The following CENPE variants were observed in gnomAD, a reference collection of about 807,000 sequenced individuals.
CENPE encodes the protein centromere protein E.
In CENPE, 145 loss-of-function variants were observed where a neutral mutation model predicts 336.1. The observed-to-expected ratio is 0.43, with a 90% CI of 0.38 to 0.50. The LOEUF is 0.50. CENPE is among the 20% of genes least tolerant of loss of function. The pLI is 0.00. For synonymous variants in CENPE, 1,013 were observed against 984.8 expected, an observed-to-expected ratio of 1.03 and a Z score of -0.54; for missense variants, 2,719 against 3,023.3, an observed-to-expected ratio of 0.90 and a Z score of 2.36.
intron 48 of CENPE, among the ~76,000 whole-genome samples, 153 bp from the exon 49 acceptor site, chr4:103,106,469 T>A (rs912396601): frequency 2.0e-5 from 3 of 152,204 alleles, no homozygotes; most frequent in African/African-American, 7.2e-5. Flanking sequence ...AGATGGTGTA[T>A]TTCACCTCAG....
intron 38 of CENPE, among the ~76,000 whole-genome samples, chr4:103,139,443 T>C (rs1578587807): frequency 6.6e-6 from 1 of 152,140 alleles, no homozygotes; most frequent in South Asian, 2.1e-4. Flanking sequence ...CATGTATAGG[T>C]AGAGAAATGG....
intron 42 of CENPE, among the ~76,000 whole-genome samples, chr4:103,130,511 A>T (rs1228189727): frequency 6.6e-6 from 1 of 152,212 alleles, no homozygotes; most frequent in Non-Finnish European, 1.5e-5. Flanking sequence ...ATAAAAAAAT[A>T]AAAGAATCAA....
At chr4:103,172,298 T>C (rs963447440) in intron 16 of CENPE, among the ~76,000 whole-genome samples, 2 of 151,930 alleles carry the variant, frequency 1.3e-5, no homozygotes, top group African/African-American at 4.8e-5. Flanking sequence ...GAATGGTTCA[T>C]CATAAACAAA....
Position 103,140,391 on chromosome 4 carries a change from T to C in CENPE, c.5778A>G (p.Leu1926=). ...KARDLEIQQE[L]KTARMLSKEH... is the part of the protein sequence containing the mutation. Reference sequence around the variant, plus strand: ...CTTTTGATAGCATACGAGCAGTTTTTAGTTCCTGTTGTATTTCCAGATCCT... The same window carrying C: ...CTTTTGATAGCATACGAGCAGTTTTCAGTTCCTGTTGTATTTCCAGATCCT... Residue 1926 remains leucine, a synonymous_variant, in exon 37 of 49, where the codon CTA becomes CTG. Transcript: ENST00000265148. 1 of 1,597,258 alleles carries C rather than the reference T, an allele frequency of 6.3e-7. No individual in the cohort carries two copies. The highest frequency in any genetic ancestry group is 8.5e-7 in the Non-Finnish European group (1 of 1,174,170).
chr4:103,173,697 C>G (rs747648051), intron 16 of CENPE, among the ~76,000 whole-genome samples: 2 of 122,708 alleles, frequency 1.6e-5, no homozygotes, highest in Non-Finnish European at 3.9e-5. Flanking sequence ...CAAAAAAACC[C>G]CCAAACAACC....
At chr4:103,143,518 G>GT in intron 33 of CENPE, 112 bp from the exon 34 acceptor site, 1 of 702,058 alleles carries the variant, frequency 1.4e-6, no homozygotes, top group Non-Finnish European at 2.5e-6. Context: ...AGGCCTCCTA[G>GT]TTCTCACCCT....
chr4:103,154,411 C>T (rs763565983), intron 24 of CENPE, among the ~76,000 whole-genome samples: 2 of 151,926 alleles, frequency 1.3e-5, no homozygotes, highest in Non-Finnish European at 2.9e-5. Flanking sequence ...ATGTAACCTA[C>T]AAATAATTTT....
intron 16 of CENPE, among the ~76,000 whole-genome samples, chr4:103,164,408 T>G (rs972046458): frequency 6.6e-6 from 1 of 152,088 alleles, no homozygotes; most frequent in Non-Finnish European, 1.5e-5. Flanking sequence ...GTATCTTATT[T>G]AAATATTTTC....
At chr4:103,132,611 A>G in intron 42 of CENPE, 82 bp downstream of exon 42, 1 of 586,950 alleles carries the variant, frequency 1.7e-6, no homozygotes, top group South Asian at 2.9e-5. Flanking sequence ...GAAAATATAC[A>G]TAAGTTGCCC....
At chr4:103,122,404 C>T (rs1486755687) in intron 43 of CENPE, among the ~76,000 whole-genome samples, 5 of 152,098 alleles carry the variant, frequency 3.3e-5, no homozygotes, top group Non-Finnish European at 7.4e-5. Context: ...AGTTAACCTG[C>T]GTAACAATCT....
chr4:103,180,716 C>G (rs964752063), intron 12 of CENPE, among the ~76,000 whole-genome samples: 2 of 151,930 alleles, frequency 1.3e-5, no homozygotes, highest in Non-Finnish European at 2.9e-5. Flanking sequence ...TATAAGACAC[C>G]AATGCTGTTA....
Position 103,143,814 on chromosome 4 carries a change from T to C in CENPE, c.5146-408A>G, listed in dbSNP as rs187700658. On this transcript the variant is annotated intron_variant, in intron 33 of 48. Transcript: ENST00000265148. ...TACAGTTGTGCAAATGTGTGGAGGATAGTTACAACTGGACTTGTGGATCAA... is the reference window on the plus strand; with the variant it reads ...TACAGTTGTGCAAATGTGTGGAGGACAGTTACAACTGGACTTGTGGATCAA... 3.6e-3 allele frequency among the ~76,000 whole-genome samples: 556 copies of C among 152,376 alleles called. 2 individuals carry two copies. The highest frequency in any genetic ancestry group is 4.8e-3 in the Non-Finnish European group (328 of 68,034).
chr4:103,107,021 A>AT (rs372810181), intron 48 of CENPE, among the ~76,000 whole-genome samples: 1 of 152,354 alleles, frequency 6.6e-6, no homozygotes, highest in African/African-American at 2.4e-5. Context: ...GGACTCAAAC[A>AT]TTTTTATTTG....
Position 103,182,817 on chromosome 4 carries a change from C to T in CENPE, c.908G>A (p.Arg303His), listed in dbSNP as rs150628776. 17 of 1,612,236 alleles carry T rather than the reference C, an allele frequency of 1.1e-5. No homozygotes were observed. The highest frequency in any genetic ancestry group is 2.2e-5 in the East Asian group (1 of 44,732). Residue 303 changes from arginine to histidine, a missense_variant, in exon 11 of 49, where the codon CGT (arginine) becomes CAT (histidine). By Grantham distance (29) the Arg-to-His change is conservative (BLOSUM62 0). Around this residue, in one of 5 missense-constraint regions of CENPE, gnomAD observed 117 missense variants for 215.8 expected, o/e 0.54. Coordinates refer to ENST00000265148, the MANE Select transcript of CENPE (RefSeq NM_001813.3). ...QNSLGGNAKT[R>H]IICTITPVSF... is the part of the protein sequence containing the mutation. ...TACTGGAGTAATTGTGCAGATAATA[C>T]GTGTCTTTGCATTTCCTCCCAAGGA...
At chr4:103,167,145 A>G (rs1754992973) in intron 16 of CENPE, among the ~76,000 whole-genome samples, 1 of 152,210 alleles carries the variant, frequency 6.6e-6, no homozygotes, top group African/African-American at 2.4e-5. Flanking sequence ...AATTATTTAG[A>G]AACATACTTT....
chr4:103,181,984 A>G (rs1452049746), intron 11 of CENPE: 1 of 152,574 alleles, frequency 6.6e-6, no homozygotes, highest in African/African-American at 2.4e-5. Flanking sequence ...TATAAGTACC[A>G]TAAGTAACTT....
At position 103,182,906 on chromosome 4, in the gene CENPE, A is replaced by T; in HGVS notation, c.834-15T>A. On this transcript the variant is annotated splice_polypyrimidine_tract_variant and intron_variant, in intron 10 of 48. Coordinates refer to ENST00000265148, the MANE Select transcript of CENPE (RefSeq NM_001813.3). ...TTATGAAACCACTTAGCAAGGAATA[A>T]GTTTACAGGAGAAAAAGATTGAGAA... 7 of 1,605,836 alleles carry T rather than the reference A, an allele frequency of 4.4e-6. No homozygotes were observed. Among genetic ancestry groups the T allele is most frequent in the Non-Finnish European group, 5.1e-6 (6 of 1,176,148 alleles).
chr4:103,151,449 C>T (rs1203302205), intron 25 of CENPE, 72 bp from the exon 26 acceptor site: 1 of 1,129,434 alleles, frequency 8.9e-7, no homozygotes, highest in African/African-American at 1.6e-5. Flanking sequence ...AAAACATCAG[C>T]ATTTCTCTCA....
At chr4:103,138,486 C>A in intron 38 of CENPE, 37 bp from the exon 39 acceptor site, 2 of 1,356,440 alleles carry the variant, frequency 1.5e-6, no homozygotes, top group South Asian at 2.3e-5. Context: ...GGGCTTTTGT[C>A]ATGACTATAT....
Sources: allele counts gnomAD v4.1 joint callset (sites outside exome capture counted in the v4.1 genomes callset), GRCh38; gene constraint gnomAD v4.1.1; regional missense constraint gnomAD v4.1.1; transcripts MANE v1.5; gene names NCBI Gene and HGNC (gene_info 2026-07-23, HGNC 2026-07-21).